The following SNX14 variants were observed in gnomAD, a reference collection of about 807,000 sequenced individuals.
The protein encoded by SNX14 is sorting nexin-14.
SNX14 carries 93 observed loss-of-function variants against 133.8 expected under a neutral mutation model. That is an observed-to-expected ratio of 0.70 (90% confidence interval 0.59 to 0.83). SNX14 has a LOEUF of 0.83. Ranked by LOEUF, SNX14 falls within the 40% of genes least tolerant of loss-of-function variation. SNX14 has a pLI of 0.00. For synonymous variants in SNX14, 368 were observed against 365.6 expected (o/e 1.01, Z -0.07); for missense variants, 945 against 1,094.9 (o/e 0.86, Z 1.93).
chr6:85,548,959 T>G (rs576522795), intron 8 of SNX14, among the ~76,000 whole-genome samples: 2 of 140,266 alleles, frequency 1.4e-5, no homozygotes, highest in South Asian at 2.4e-4. Flanking sequence ...AGAGCAAGAC[T>G]CTGTCTCAAA....
intron 1 of SNX14, chr6:85,581,402 C>G (rs1799015375): frequency 6.6e-6 from 1 of 152,188 alleles, no homozygotes; most frequent in Admixed American, 6.5e-5. Context: ...GCCCAGAATG[C>G]AAACACTACA....
intron 26 of SNX14, chr6:85,508,320 TAAAAAAA>T (rs765165360): frequency 1.0e-5 from 9 of 868,792 alleles, no homozygotes; most frequent in East Asian, 1.2e-4. Context: ...AATGCTGCAG[TAAAAAAA>T]AAAAAAAAAA....
chr6:85,588,764 A>G (rs550858943), intron 1 of SNX14: 218 of 390,354 alleles, frequency 5.6e-4, no homozygotes, highest in Non-Finnish European at 1.0e-3. Flanking sequence ...GTTAGTACTT[A>G]TTTTGTATAT....
chr6:85,548,437 C>A, intron 8 of SNX14, 61 bp from the exon 9 acceptor site: 2 of 1,250,928 alleles, frequency 1.6e-6, no homozygotes. Context: ...TCTTAACTTT[C>A]AAGTGCATGT....
At chr6:85,543,810 T>C (rs1353537267) in intron 12 of SNX14, 50 bp from the exon 13 acceptor site, 6 of 1,192,664 alleles carry the variant, frequency 5.0e-6, no homozygotes, top group Non-Finnish European at 6.7e-6. Context: ...TATATAATTA[T>C]TCATAAAAGC....
chr6:85,541,281 C>T (rs547053296), intron 15 of SNX14, among the ~76,000 whole-genome samples: 1 of 152,274 alleles, frequency 6.6e-6, no homozygotes, highest in Admixed American at 6.5e-5. Flanking sequence ...GCGTGAGCCA[C>T]CGTGCCCGGC....
chr6:85,555,880 C>T (rs367764665), intron 7 of SNX14, among the ~76,000 whole-genome samples: 1 of 151,720 alleles, frequency 6.6e-6, no homozygotes, highest in African/African-American at 2.4e-5. Context: ...CCCAGCTACT[C>T]GGGAGGCTGA....
At position 85,572,187 on chromosome 6, in the gene SNX14, G is replaced by C; in HGVS notation, c.367C>G (p.Pro123Ala). The C allele has an allele frequency of 6.2e-7, 1 of 1,613,854 alleles. No individual in the cohort carries two copies. Among genetic ancestry groups the C allele is most frequent in the Non-Finnish European group, 8.5e-7 (1 of 1,179,912 alleles). Residue 123 changes from proline (P) to alanine (A), a missense_variant, in exon 4 of 29, where the codon CCA becomes GCA. Physicochemically the swap from Pro to Ala is conservative, Grantham distance 27 (BLOSUM62 -1). Transcript: ENST00000314673. ...RPSLLLENYQ[P>A]WLDLKISSKV... ...GAAGAAATTTTCAGGTCTAGCCATG[G>C]CTGGTAGTTTTCAAGTAGCAAAGAA...
intron 8 of SNX14, among the ~76,000 whole-genome samples, chr6:85,548,690 C>T (rs991649386): frequency 6.6e-6 from 1 of 151,976 alleles, no homozygotes; most frequent in African/African-American, 2.4e-5. Context: ...CTCTATCGGC[C>T]GGGTGGGGTG....
At chr6:85,533,235 CTG>C (rs1780821666) in intron 18 of SNX14, among the ~76,000 whole-genome samples, 2 of 152,130 alleles carry the variant, frequency 1.3e-5, no homozygotes, top group Admixed American at 1.3e-4. Context: ...AGAGAAAACG[CTG>C]TCTTAATTAA....
At chr6:85,514,454 ACAG>A in intron 24 of SNX14, 49 bp downstream of exon 24, 1 of 1,590,230 alleles carries the variant, frequency 6.3e-7, no homozygotes, top group South Asian at 1.1e-5. Flanking sequence ...TATTTGCATC[ACAG>A]AAGAAGTAAG....
At chr6:85,536,278 T>C (rs1781942460) in intron 17 of SNX14, among the ~76,000 whole-genome samples, 1 of 152,230 alleles carries the variant, frequency 6.6e-6, no homozygotes, top group Non-Finnish European at 1.5e-5. Context: ...AAAATGTTTA[T>C]ATAAGTCAAC....
chr6:85,547,749 G>A (rs1241753798), intron 9 of SNX14, among the ~76,000 whole-genome samples, 199 bp from the exon 10 acceptor site: 1 of 152,088 alleles, frequency 6.6e-6, no homozygotes, highest in Non-Finnish European at 1.5e-5. Context: ...TTGTGAAAAT[G>A]GGCAAATAAA....
intron 18 of SNX14, among the ~76,000 whole-genome samples, chr6:85,531,488 AT>A (rs1186435884): frequency 6.6e-6 from 1 of 152,184 alleles, no homozygotes; most frequent in Non-Finnish European, 1.5e-5. Flanking sequence ...ACTTCTTTCT[AT>A]TTAGAAAAAA....
intron 4 of SNX14, chr6:85,568,575 A>T (rs369074122): frequency 6.6e-6 from 1 of 152,194 alleles, no homozygotes; most frequent in Non-Finnish European, 1.5e-5. Context: ...CATTTCTTGG[A>T]TTTGGGTGTC....
chr6:85,538,882 T>C lies in SNX14; in HGVS notation c.1449-18A>G. On this transcript the variant is annotated intron_variant, in intron 15 of 28. Coordinates refer to ENST00000314673, the MANE Select transcript of SNX14 (RefSeq NM_153816.6). ...GGCTACCTCTGCAATAACAGGTATGTGAAATAATATAAGGAGAGGAAAGAA... is the reference window on the plus strand; with the variant it reads ...GGCTACCTCTGCAATAACAGGTATGCGAAATAATATAAGGAGAGGAAAGAA... 3 of 1,587,726 alleles carry C rather than the reference T, an allele frequency of 1.9e-6. No individual in the cohort carries two copies. The highest frequency in any genetic ancestry group is 2.6e-6 in the Non-Finnish European group (3 of 1,168,254).
At chr6:85,563,950 T>G (rs1170325021) in intron 6 of SNX14, among the ~76,000 whole-genome samples, 2 of 151,770 alleles carry the variant, frequency 1.3e-5, no homozygotes, top group Non-Finnish European at 2.9e-5. Context: ...GGTCCTGGTG[T>G]GTGATGTTCC....
At chr6:85,507,602 GAATA>G (rs1203810563) in intron 27 of SNX14, among the ~76,000 whole-genome samples, 3 of 152,028 alleles carry the variant, frequency 2.0e-5, no homozygotes, top group African/African-American at 7.2e-5. Flanking sequence ...GATCTCAACA[GAATA>G]TATAAAGCTT....
chr6:85,530,566 AC>A (rs1230977710), intron 18 of SNX14, among the ~76,000 whole-genome samples: 2 of 150,428 alleles, frequency 1.3e-5, no homozygotes, highest in Non-Finnish European at 3.0e-5. Flanking sequence ...AATCGCTTGA[AC>A]CCAAGAGGCA....
Sources: gnomAD v4.1 joint callset for allele counts (sites outside exome capture counted in the v4.1 genomes callset) on GRCh38, gnomAD v4.1.1 for gene constraint, MANE v1.5 for transcripts, NCBI Gene and HGNC (gene_info 2026-07-23, HGNC 2026-07-21) for gene names.